The following P3H2 variants were observed in gnomAD, a reference collection of about 807,000 sequenced individuals.
The protein encoded by P3H2 is leprecan-like 1.
In P3H2, 80 loss-of-function variants were observed where a neutral mutation model predicts 87.0. The ratio of observed to expected loss-of-function variants is 0.92; its 90% confidence interval spans 0.77 to 1.11. The LOEUF (loss-of-function observed/expected upper bound fraction) is 1.11, where lower values mean the gene tolerates loss of function less well. Among genes scored for constraint, P3H2 ranks in the 50% least tolerant of loss-of-function variants. The pLI is 0.00. For missense variants in P3H2, 1,001 were observed against 923.9 expected (o/e 1.08, Z -1.08); for synonymous variants, 367 against 359.3 (o/e 1.02, Z -0.24).
chr3:190,110,375 A>C (rs755039899), intron 1 of P3H2, among the ~76,000 whole-genome samples: 64 of 152,214 alleles, frequency 4.2e-4, no homozygotes, highest in Non-Finnish European at 7.6e-4. Context: ...TCATCCCAGA[A>C]TATCAATCAG....
intron 12 of P3H2, 114 bp from the exon 13 acceptor site, chr3:189,971,005 A>G: frequency 1.5e-6 from 1 of 673,292 alleles, no homozygotes; most frequent in Admixed American, 2.3e-5. Flanking sequence ...GTTTCCTTTG[A>G]ACTAGACATT....
At chr3:190,038,486 G>GAAAAAAAAA (rs57971408) in intron 1 of P3H2, among the ~76,000 whole-genome samples, 2 of 92,622 alleles carry the variant, frequency 2.2e-5, no homozygotes, top group Non-Finnish European at 4.3e-5. Context: ...ACTGCAGAAT[G>GAAAAAAAAA]AAAAAAAAAA....
At chr3:189,991,030 C>T (rs751694933) in intron 3 of P3H2, among the ~76,000 whole-genome samples, 2 of 152,026 alleles carry the variant, frequency 1.3e-5, no homozygotes, top group South Asian at 2.1e-4. Context: ...CGAATGTGGG[C>T]GTGAAAGCAG....
chr3:190,086,222 G>A (rs538868206), intron 1 of P3H2, among the ~76,000 whole-genome samples: 71 of 152,140 alleles, frequency 4.7e-4, no homozygotes, highest in Middle Eastern at 3.4e-3. Flanking sequence ...TCCTATTTTA[G>A]AACCTATTTT....
chr3:190,094,249 T>C (rs910492638), intron 1 of P3H2, among the ~76,000 whole-genome samples: 1 of 152,256 alleles, frequency 6.6e-6, no homozygotes, highest in Non-Finnish European at 1.5e-5. Context: ...CAAGTCCTCA[T>C]GACAACATCC....
chr3:189,966,126 AG>A (rs1398531968), intron 13 of P3H2, among the ~76,000 whole-genome samples: 2 of 35,826 alleles, frequency 5.6e-5, no homozygotes, highest in South Asian at 1.9e-3. Flanking sequence ...AGAAAGAAAA[AG>A]AAAGAAAGAA....
At chr3:190,041,636 T>C (rs754587024) in intron 1 of P3H2, among the ~76,000 whole-genome samples, 55 of 152,216 alleles carry the variant, frequency 3.6e-4, no homozygotes, top group Non-Finnish European at 7.3e-4. Context: ...ACAGCTGGTC[T>C]AGTCATTGTT....
intron 6 of P3H2, among the ~76,000 whole-genome samples, chr3:189,986,525 G>C (rs1430193958): frequency 6.6e-6 from 1 of 152,164 alleles, no homozygotes; most frequent in African/African-American, 2.4e-5. Context: ...GGAGGCGGAG[G>C]TTGCAGTGAG....
chr3:190,095,865 G>C (rs1350363009), intron 1 of P3H2, among the ~76,000 whole-genome samples: 4 of 152,046 alleles, frequency 2.6e-5, no homozygotes, highest in African/African-American at 9.7e-5. Context: ...GCCTCCCAAA[G>C]TGCTGGGATT....
intron 1 of P3H2, among the ~76,000 whole-genome samples, chr3:190,076,672 T>C (rs980075602): frequency 6.6e-6 from 1 of 152,140 alleles, no homozygotes; most frequent in African/African-American, 2.4e-5. Flanking sequence ...GCCTCACTCA[T>C]CTGAGAAAAG....
chr3:190,080,432 T>C (rs1413939899), intron 1 of P3H2, among the ~76,000 whole-genome samples: 1 of 152,128 alleles, frequency 6.6e-6, no homozygotes, highest in African/African-American at 2.4e-5. Context: ...AATTTTGCTC[T>C]TGTTGGCCAG....
At chr3:190,038,308 G>A (rs1725489241) in intron 1 of P3H2, among the ~76,000 whole-genome samples, 1 of 150,260 alleles carries the variant, frequency 6.7e-6, no homozygotes, top group African/African-American at 2.4e-5. Context: ...GAGACTATGA[G>A]TGAGTAACAT....
At chr3:189,972,661 G>T (rs536292743) in intron 11 of P3H2, among the ~76,000 whole-genome samples, 2 of 152,258 alleles carry the variant, frequency 1.3e-5, no homozygotes, top group South Asian at 4.1e-4. Flanking sequence ...ATTTGGAAGG[G>T]AAAATGTTCA....
intron 1 of P3H2, among the ~76,000 whole-genome samples, chr3:190,017,056 C>T (rs921062003): frequency 2.0e-5 from 3 of 152,180 alleles, no homozygotes; most frequent in African/African-American, 7.2e-5. Context: ...CTGCCAATAT[C>T]TTAATGTACC....
rs141172907 is a variant in P3H2 at position 190,065,615 on chromosome 3, G to A, written c.480+54637C>T. On this transcript the variant is annotated intron_variant, in intron 1 of 14. Transcript: ENST00000319332. The stretch of plus-strand genomic sequence containing the variant: ...AAGACTCTCTCTAGTCAAAGTCTTA[G>A]TCAATACAGGATTCAAAAAAATATT... Among the ~76,000 whole-genome samples, 11 of 152,090 alleles carry A rather than the reference G, an allele frequency of 7.2e-5. No homozygotes were observed. The East Asian group carries it at 1.2e-3, about 16-fold the overall frequency.
intron 1 of P3H2, among the ~76,000 whole-genome samples, chr3:190,062,501 C>A (rs1190853945): frequency 1.3e-5 from 2 of 152,134 alleles, no homozygotes; most frequent in Admixed American, 1.3e-4. Flanking sequence ...GTGGCCCATA[C>A]ATTACCCACT....
intron 1 of P3H2, among the ~76,000 whole-genome samples, chr3:190,049,829 C>T (rs1333872053): frequency 1.3e-5 from 2 of 152,120 alleles, no homozygotes; most frequent in African/African-American, 2.4e-5. Flanking sequence ...AATGTGAGTT[C>T]TGAAGCATAT....
chr3:190,096,506 A>G (rs569202826), intron 1 of P3H2, among the ~76,000 whole-genome samples: 65 of 152,308 alleles, frequency 4.3e-4, no homozygotes, highest in African/African-American at 1.5e-3. Context: ...TGTGTCAATT[A>G]CACCTCTTTT....
intron 1 of P3H2, among the ~76,000 whole-genome samples, chr3:190,026,130 T>C (rs1725078814): frequency 6.6e-6 from 1 of 152,190 alleles, no homozygotes; most frequent in Non-Finnish European, 1.5e-5. Context: ...TTTAACAGAA[T>C]TTTGTCTCAG....
Sources: gnomAD v4.1 joint callset for allele counts (sites outside exome capture counted in the v4.1 genomes callset) on GRCh38, gnomAD v4.1.1 for gene constraint, MANE v1.5 for transcripts, NCBI Gene and HGNC (gene_info 2026-07-23, HGNC 2026-07-21) for gene names.